The following SMYD3 variants were observed in gnomAD, a reference collection of about 807,000 sequenced individuals.
SMYD3 encodes the protein histone-lysine N-methyltransferase SMYD3.
SMYD3 carries 36 observed loss-of-function variants against 57.7 expected under a neutral mutation model. The ratio of observed to expected loss-of-function variants is 0.62; its 90% confidence interval spans 0.48 to 0.82. SMYD3 has a LOEUF of 0.82. Ranked by LOEUF, SMYD3 falls within the 40% of genes least tolerant of loss-of-function variation. SMYD3 has a pLI of 0.00. For missense variants in SMYD3, 515 were observed against 538.8 expected, an observed-to-expected ratio of 0.96 and a Z score of 0.44; for synonymous variants, 211 against 195.0, an observed-to-expected ratio of 1.08 and a Z score of -0.68.
At chr1:246,442,577 T>C (rs1441233687) in intron 1 of SMYD3, among the ~76,000 whole-genome samples, 1 of 147,748 alleles carries the variant, frequency 6.8e-6, no homozygotes, top group Non-Finnish European at 1.5e-5. Context: ...AAAAAAAGAC[T>C]ACTGAAAAGA....
At chr1:246,056,878 C>G (rs576520602) in intron 5 of SMYD3, among the ~76,000 whole-genome samples, 3 of 152,302 alleles carry the variant, frequency 2.0e-5, no homozygotes, top group African/African-American at 7.2e-5. Context: ...TTTCTCCTTA[C>G]TTAACAATTG....
At chr1:245,920,537 T>C (rs1346141552) in intron 7 of SMYD3, among the ~76,000 whole-genome samples, 1 of 152,184 alleles carries the variant, frequency 6.6e-6, no homozygotes, top group East Asian at 1.9e-4. Context: ...AATTTTATCT[T>C]CTTAATATTA....
At chr1:245,950,481 C>G (rs1055698554) in intron 5 of SMYD3, among the ~76,000 whole-genome samples, 5 of 152,168 alleles carry the variant, frequency 3.3e-5, no homozygotes, top group African/African-American at 1.2e-4. Flanking sequence ...CACACTAGGC[C>G]CTGAACGTCT....
chr1:246,489,840 C>G (rs2068242290), intron 1 of SMYD3, among the ~76,000 whole-genome samples: 1 of 151,908 alleles, frequency 6.6e-6, no homozygotes, highest in Non-Finnish European at 1.5e-5. Flanking sequence ...AGCTTGAAGT[C>G]TTTATTTTTT....
rs12060238 is a variant in SMYD3 at position 246,054,798 on chromosome 1, A to G, written c.532-124861T>C. Reference sequence around the variant, plus strand: ...TTTTATGCACATAAAAAGATACTTAACATTAGTAATCATTAGGAAAATGCA... The same window carrying G: ...TTTTATGCACATAAAAAGATACTTAGCATTAGTAATCATTAGGAAAATGCA... On this transcript the variant is annotated intron_variant, in intron 5 of 11. Coordinates refer to ENST00000490107, the MANE Select transcript of SMYD3 (RefSeq NM_001167740.2). 3.9e-3 allele frequency among the ~76,000 whole-genome samples: 588 copies of G among 151,662 alleles called. 6 individuals carry two copies. The highest frequency in any genetic ancestry group is 0.013 in the African/African-American group (544 of 41,304).
chr1:246,346,056 G>T (rs1324215068), intron 2 of SMYD3, among the ~76,000 whole-genome samples: 1 of 152,154 alleles, frequency 6.6e-6, no homozygotes, highest in African/African-American at 2.4e-5. Flanking sequence ...AGGCCAAGGG[G>T]GGTGGATCAA....
At chr1:245,817,375 T>A (rs2048907026) in intron 10 of SMYD3, among the ~76,000 whole-genome samples, 1 of 146,250 alleles carries the variant, frequency 6.8e-6, no homozygotes. Flanking sequence ...AGAAAGCACA[T>A]CCACACCAAA....
intron 10 of SMYD3, among the ~76,000 whole-genome samples, chr1:245,799,804 GCCCAC>G: frequency 6.6e-6 from 1 of 151,552 alleles, no homozygotes; most frequent in African/African-American, 2.4e-5. Flanking sequence ...CTGTCCATCT[GCCCAC>G]CTCATGCTGC....
chr1:245,870,009 G>C (rs982842996), intron 8 of SMYD3, among the ~76,000 whole-genome samples: 11 of 152,166 alleles, frequency 7.2e-5, no homozygotes, highest in Non-Finnish European at 1.3e-4. Flanking sequence ...TGCCTCCCCA[G>C]GTATCCTCAG....
chr1:246,456,222 A>G (rs572467593), intron 1 of SMYD3, among the ~76,000 whole-genome samples: 19 of 152,310 alleles, frequency 1.2e-4, no homozygotes, highest in Middle Eastern at 6.8e-3. Flanking sequence ...TTCTCCAGGA[A>G]TATCTCTCTC....
chr1:246,268,975 G>A (rs2148540543), intron 5 of SMYD3, among the ~76,000 whole-genome samples: 2 of 152,146 alleles, frequency 1.3e-5, no homozygotes, highest in Non-Finnish European at 2.9e-5. Context: ...TAAAGTAGCT[G>A]AAGAGTAAAA....
At chr1:245,856,483 C>A (rs554737748) in intron 10 of SMYD3, among the ~76,000 whole-genome samples, 1 of 152,280 alleles carries the variant, frequency 6.6e-6, no homozygotes, top group South Asian at 2.1e-4. Flanking sequence ...TAAATATAAC[C>A]AAACGTTTCC....
intron 5 of SMYD3, among the ~76,000 whole-genome samples, chr1:246,119,540 G>C (rs574035911): frequency 2.0e-5 from 3 of 151,808 alleles, no homozygotes; most frequent in Non-Finnish European, 4.4e-5. Context: ...AGCCTCCTGA[G>C]TAGCTGAGAC....
At chr1:246,482,439 G>T (rs139032085) in intron 1 of SMYD3, among the ~76,000 whole-genome samples, 1 of 149,788 alleles carries the variant, frequency 6.7e-6, no homozygotes, top group Admixed American at 6.6e-5. Flanking sequence ...GGCACAAAGT[G>T]GTATTACCCC....
chr1:245,914,553 G>A (rs2147770761), intron 8 of SMYD3, among the ~76,000 whole-genome samples: 1 of 152,284 alleles, frequency 6.6e-6, no homozygotes, highest in South Asian at 2.1e-4. Context: ...TCACTCATAT[G>A]TGGGAATTAA....
At chr1:245,860,153 C>A (rs200023756) in intron 9 of SMYD3, among the ~76,000 whole-genome samples, 2 of 24,188 alleles carry the variant, frequency 8.3e-5, no homozygotes, top group Non-Finnish European at 3.9e-4. Flanking sequence ...AACTCAGTGC[C>A]CCCTTCGTGC....
intron 1 of SMYD3, among the ~76,000 whole-genome samples, chr1:246,418,706 G>A (rs375433243): frequency 6.6e-6 from 1 of 152,070 alleles, no homozygotes. Context: ...GGAGTCGGGC[G>A]CTCGGTGACC....
chr1:246,187,950 C>A (rs946095301), intron 5 of SMYD3, among the ~76,000 whole-genome samples: 3 of 151,792 alleles, frequency 2.0e-5, no homozygotes, highest in East Asian at 3.9e-4. Flanking sequence ...ACATTCCTCA[C>A]GTGCACTGAG....
At chr1:246,418,827 G>A (rs1418018295) in intron 1 of SMYD3, among the ~76,000 whole-genome samples, 1 of 152,092 alleles carries the variant, frequency 6.6e-6, no homozygotes, top group East Asian at 1.9e-4. Context: ...GCTCCCCTTT[G>A]TCAGGCCTCT....
Sources: allele counts gnomAD v4.1 joint callset (sites outside exome capture counted in the v4.1 genomes callset), GRCh38; gene constraint gnomAD v4.1.1; transcripts MANE v1.5; gene names NCBI Gene and HGNC (gene_info 2026-07-23, HGNC 2026-07-21).